The following INPP5B variants were observed in gnomAD, a reference collection of about 807,000 sequenced individuals.
INPP5B encodes inositol polyphosphate-5-phosphatase B, also known as type II inositol 1,4,5-trisphosphate 5-phosphatase.
In INPP5B, 90 loss-of-function variants were observed where a neutral mutation model predicts 118.5. The observed-to-expected ratio is 0.76, with a 90% CI of 0.64 to 0.90. The LOEUF (loss-of-function observed/expected upper bound fraction) is 0.90, where lower values mean the gene tolerates loss of function less well. Among genes scored for constraint, INPP5B ranks in the 40% least tolerant of loss-of-function variants. The pLI is 0.00. For synonymous variants in INPP5B, 385 were observed against 418.9 expected (o/e 0.92, Z 0.99); for missense variants, 984 against 1,125.6 (o/e 0.87, Z 1.80).
rs1227731565 is a variant in INPP5B at position 37,944,693 on chromosome 1, C to T, written c.153-800G>A. Among the ~76,000 whole-genome samples, 12 of 151,760 alleles carry T rather than the reference C, an allele frequency of 7.9e-5. 1 individual carries two copies. The highest frequency in any genetic ancestry group is 1.9e-4 in the East Asian group (1 of 5,136). Reference sequence around the variant, plus strand: ...AACTCCTCGGCTCATGTGATCCTCCCGCCTCAGCCTCCTGAGTAGCTGAGA... The same window carrying T: ...AACTCCTCGGCTCATGTGATCCTCCTGCCTCAGCCTCCTGAGTAGCTGAGA... On this transcript the variant is annotated intron_variant, in intron 3 of 23. Coordinates refer to ENST00000373024, the MANE Select transcript of INPP5B (RefSeq NM_005540.3).
intron 7 of INPP5B, among the ~76,000 whole-genome samples, chr1:37,903,906 A>AT (rs765871148): frequency 6.6e-6 from 1 of 151,908 alleles, no homozygotes; most frequent in East Asian, 1.9e-4. Context: ...TAAATAAAAT[A>AT]TTTTTTGTCA....
chr1:37,913,298 AAG>A (rs1166219854), intron 7 of INPP5B, among the ~76,000 whole-genome samples: 49 of 152,190 alleles, frequency 3.2e-4, no homozygotes, highest in Admixed American at 3.1e-3. Context: ...TTTTTAAATG[AAG>A]AGTGTTGTTT....
At chr1:37,898,958 G>A (rs1363234796) in intron 7 of INPP5B, among the ~76,000 whole-genome samples, 1 of 152,038 alleles carries the variant, frequency 6.6e-6, no homozygotes, top group Non-Finnish European at 1.5e-5. Context: ...GAGGCAGGCG[G>A]ATCCCCTGAG....
At chr1:37,900,630 CTT>C in intron 7 of INPP5B, among the ~76,000 whole-genome samples, 1 of 132,420 alleles carries the variant, frequency 7.6e-6, no homozygotes, top group African/African-American at 2.8e-5. Flanking sequence ...TTTTTTTTTT[CTT>C]TTTTTTTTTT....
chr1:37,908,772 A>C (rs1192690887), intron 7 of INPP5B, among the ~76,000 whole-genome samples: 2 of 151,986 alleles, frequency 1.3e-5, no homozygotes, highest in Non-Finnish European at 2.9e-5. Context: ...ATTCACCCAC[A>C]TTCCCTTGGT....
intron 19 of INPP5B, among the ~76,000 whole-genome samples, chr1:37,871,408 C>T (rs1033124246): frequency 7.0e-6 from 1 of 143,256 alleles, no homozygotes; most frequent in Non-Finnish European, 1.5e-5. Flanking sequence ...CAGTAAGCCA[C>T]GATCGTGCCA....
At position 37,886,803 on chromosome 1, in the gene INPP5B, C is replaced by A. The variant is rs1454221964; in HGVS notation, c.1131+85G>T. On this transcript the variant is annotated intron_variant, in intron 12 of 23. Transcript: ENST00000373024. ...ATATTGGCACCTTCAAACTGGGACA[C>A]GTGTAGTCACTGTGTCATCAGAAGT... 1.3e-5 allele frequency: 12 copies of A among 936,228 alleles called. No individual in the cohort carries two copies. The East Asian group carries it at 2.9e-4, about 22-fold the overall frequency. 58.0% of individuals were successfully genotyped at this position (936,228 alleles called of 1,614,324 possible).
chr1:37,884,048 G>C (rs1384840290), intron 13 of INPP5B, among the ~76,000 whole-genome samples: 1 of 152,168 alleles, frequency 6.6e-6, no homozygotes, highest in African/African-American at 2.4e-5. Context: ...AGGAAAAAAA[G>C]ACCAAGTGGA....
intron 7 of INPP5B, among the ~76,000 whole-genome samples, chr1:37,908,708 T>G (rs1438526438): frequency 6.6e-6 from 1 of 152,168 alleles, no homozygotes; most frequent in African/African-American, 2.4e-5. Flanking sequence ...CCTGCCTGAT[T>G]ATTCACCCAC....
chr1:37,868,693 C>T (rs1270768350), intron 19 of INPP5B, 79 bp from the exon 20 acceptor site: 2 of 895,360 alleles, frequency 2.2e-6, no homozygotes, highest in Non-Finnish European at 3.7e-6. Context: ...ACAGCAAACC[C>T]ACAGAAAAAG....
chr1:37,945,614 T>C (rs898298432), intron 3 of INPP5B, 142 bp downstream of exon 3: 2 of 630,352 alleles, frequency 3.2e-6, no homozygotes, highest in Non-Finnish European at 5.7e-6. Context: ...AATATAGTGT[T>C]CAAAAAATAT....
chr1:37,933,022 C>T (rs28477803), intron 6 of INPP5B, among the ~76,000 whole-genome samples: 86,310 of 151,980 alleles, frequency 0.57, 27,237 homozygotes, highest in Non-Finnish European at 0.71. Context: ...CCTGCTCTGT[C>T]TGTAGAGCTG....
chr1:37,879,435 G>A (rs1484577112), intron 15 of INPP5B, among the ~76,000 whole-genome samples: 1 of 151,884 alleles, frequency 6.6e-6, no homozygotes, highest in Admixed American at 6.6e-5. Flanking sequence ...TACTTCAACA[G>A]GTTCTTGAGG....
chr1:37,862,950 T>C (rs1387451021), intron 23 of INPP5B, among the ~76,000 whole-genome samples: 1 of 150,642 alleles, frequency 6.6e-6, no homozygotes, highest in Non-Finnish European at 1.5e-5. Flanking sequence ...GGTTGGGGGG[T>C]TGTGGGGGAG....
intron 19 of INPP5B, among the ~76,000 whole-genome samples, chr1:37,868,922 A>G (rs1329724822): frequency 6.6e-6 from 1 of 152,234 alleles, no homozygotes; most frequent in Non-Finnish European, 1.5e-5. Context: ...GTGAGGAAAC[A>G]GCACAGACTT....
rs561580234 is a variant in INPP5B at position 37,897,274 on chromosome 1, G to A, written c.533-5820C>T. ...GAGAACGGGCCATGATGACAATGGC[G>A]GTTTTGTGGAATAGAAAGGGGGGGA... On this transcript the variant is annotated intron_variant, in intron 7 of 23. Transcript: ENST00000373024. 1.7e-4 allele frequency among the ~76,000 whole-genome samples: 25 copies of A among 150,046 alleles called. 1 individual carries two copies. In the East Asian group the frequency reaches 4.5e-3, roughly 27 times the overall value.
intron 7 of INPP5B, among the ~76,000 whole-genome samples, chr1:37,913,120 G>C (rs1644756183): frequency 6.6e-6 from 1 of 152,110 alleles, no homozygotes; most frequent in East Asian, 1.9e-4. Context: ...AGCTGGGCGT[G>C]GTGGCGGGTG....
chr1:37,908,220 G>C (rs1557681679), intron 7 of INPP5B, among the ~76,000 whole-genome samples: 1 of 152,094 alleles, frequency 6.6e-6, no homozygotes, highest in African/African-American at 2.4e-5. Context: ...CAAAACCCAG[G>C]ACAGGAGGAC....
chr1:37,881,622 G>A (rs956153254), intron 14 of INPP5B, among the ~76,000 whole-genome samples: 1 of 152,160 alleles, frequency 6.6e-6, no homozygotes, highest in African/African-American at 2.4e-5. Context: ...CCATGTGGTA[G>A]GCAGATAACA....
Sources: gnomAD v4.1 joint callset for allele counts (sites outside exome capture counted in the v4.1 genomes callset) on GRCh38, gnomAD v4.1.1 for gene constraint, MANE v1.5 for transcripts, NCBI Gene and HGNC (gene_info 2026-07-23, HGNC 2026-07-21) for gene names.